Variants in SYT16 observed in about 807,000 individuals in gnomAD.
SYT16 encodes synaptotagmin-16.
Under a neutral mutation model 61.4 loss-of-function variants are expected in SYT16, and 42 were observed. The observed-to-expected ratio is 0.68, with a 90% CI of 0.53 to 0.89. SYT16 has a LOEUF of 0.89. Ranked by LOEUF, SYT16 falls within the 40% of genes least tolerant of loss-of-function variation. The pLI, the probability that SYT16 is intolerant of heterozygous loss-of-function variation, is 0.00. For missense variants in SYT16, 804 were observed against 807.3 expected (o/e 1.00, Z 0.05); for synonymous variants, 314 against 302.3 (o/e 1.04, Z -0.40).
chr14:62,092,426 AC>A (rs938556027), intron 7 of SYT16, among the ~76,000 whole-genome samples: 7 of 152,084 alleles, frequency 4.6e-5, no homozygotes, highest in Non-Finnish European at 8.8e-5. Flanking sequence ...AAATTTGTAC[AC>A]CCATGTTCAT....
intron 1 of SYT16, among the ~76,000 whole-genome samples, chr14:61,872,986 T>TAGG (rs2047377734): frequency 3.9e-5 from 6 of 152,252 alleles, no homozygotes; most frequent in Admixed American, 3.9e-4. Flanking sequence ...TAAAACGTTG[T>TAGG]ATTCATAGGT....
chr14:62,029,919 C>T (rs1414132356), intron 3 of SYT16, among the ~76,000 whole-genome samples: 1 of 152,068 alleles, frequency 6.6e-6, no homozygotes, highest in Non-Finnish European at 1.5e-5. Flanking sequence ...ATCATTTTTG[C>T]CAAGTGGTAT....
At position 62,086,488 on chromosome 14, in the gene SYT16, AAAC is replaced by A. The variant is rs555151230; in HGVS notation, c.1624+2112_1624+2114del. On this transcript the variant is annotated intron_variant, in intron 7 of 7. Transcript: ENST00000683842. ...GAATGAGACTGTGTCTCAAAAAAAC[AAAC>A]AACAACAAACAAACAAACAAACAAA... 7.9e-5 allele frequency among the ~76,000 whole-genome samples: 12 copies of A among 152,022 alleles called. No homozygotes were observed. In the East Asian group the frequency reaches 1.2e-3, roughly 15 times the overall value.
At chr14:61,817,978 C>T (rs1376785515) in intron 1 of SYT16, among the ~76,000 whole-genome samples, 2 of 152,084 alleles carry the variant, frequency 1.3e-5, no homozygotes, top group African/African-American at 2.4e-5. Flanking sequence ...AGCTTTTCTG[C>T]GAATTTGGGG....
intron 3 of SYT16, among the ~76,000 whole-genome samples, chr14:62,055,454 G>T (rs1365044753): frequency 6.6e-6 from 1 of 152,154 alleles, no homozygotes; most frequent in Non-Finnish European, 1.5e-5. Flanking sequence ...AAAGGAGGGC[G>T]CAGTGAATCT....
chr14:61,846,664 T>TA (rs2046454547), intron 1 of SYT16, among the ~76,000 whole-genome samples: 1 of 152,160 alleles, frequency 6.6e-6, no homozygotes, highest in Non-Finnish European at 1.5e-5. Flanking sequence ...CATTCAGTGT[T>TA]ACCATTGTTA....
chr14:61,934,352 T>C (rs1167654218), intron 1 of SYT16, among the ~76,000 whole-genome samples: 2 of 152,242 alleles, frequency 1.3e-5, no homozygotes, highest in Non-Finnish European at 2.9e-5. Flanking sequence ...GTTAATCATC[T>C]CAAGTTTCTT....
intron 3 of SYT16, among the ~76,000 whole-genome samples, chr14:62,055,212 A>G (rs949683871): frequency 1.3e-5 from 2 of 152,204 alleles, no homozygotes; most frequent in East Asian, 3.8e-4. Context: ...ATTCATTTGT[A>G]TGCAAATGCC....
chr14:61,847,001 C>G (rs1025530539), intron 1 of SYT16, among the ~76,000 whole-genome samples: 2 of 152,124 alleles, frequency 1.3e-5, no homozygotes, highest in Admixed American at 1.3e-4. Flanking sequence ...CTCTTTATAT[C>G]TTACTGTACT....
At chr14:61,813,804 AT>A (rs570260110) in intron 1 of SYT16, among the ~76,000 whole-genome samples, 16,381 of 130,434 alleles carry the variant, frequency 0.13, 1,010 homozygotes, top group Admixed American at 0.2. Flanking sequence ...TTTGGAAGGT[AT>A]TTTTTTTTTT....
chr14:62,089,983 C>T (rs1305131806), intron 7 of SYT16, among the ~76,000 whole-genome samples: 1 of 152,242 alleles, frequency 6.6e-6, no homozygotes, highest in Non-Finnish European at 1.5e-5. Context: ...TGTTCTTATC[C>T]TAGCCCTGCT....
At chr14:61,838,662 T>C (rs2046207043) in intron 1 of SYT16, among the ~76,000 whole-genome samples, 1 of 152,342 alleles carries the variant, frequency 6.6e-6, no homozygotes, top group East Asian at 1.9e-4. Context: ...GGAACTTTTG[T>C]AAGTACCTTG....
chr14:61,924,297 T>C (rs1246453983), intron 1 of SYT16, among the ~76,000 whole-genome samples: 1 of 152,200 alleles, frequency 6.6e-6, no homozygotes, highest in East Asian at 1.9e-4. Context: ...TTTGAGGGTA[T>C]ATGAGACCTT....
chr14:61,858,945 C>G (rs980833551), intron 1 of SYT16, among the ~76,000 whole-genome samples: 1 of 151,448 alleles, frequency 6.6e-6, no homozygotes, highest in South Asian at 2.1e-4. Context: ...ACCTCCGCCT[C>G]CTGGGTTCAC....
intron 1 of SYT16, among the ~76,000 whole-genome samples, chr14:61,897,657 A>G (rs1381700444): frequency 6.6e-6 from 1 of 152,152 alleles, no homozygotes; most frequent in Non-Finnish European, 1.5e-5. Flanking sequence ...CCTGCATAGC[A>G]AAAGACTCAC....
At position 62,104,330 on chromosome 14, in the gene SYT16, A is replaced by G. The variant is rs963440814; in HGVS notation, c.*3623A>G. 2 of 152,146 alleles carry G rather than the reference A, an allele frequency of 1.3e-5. No homozygotes were observed. Among genetic ancestry groups the G allele is most frequent in the Non-Finnish European group, 2.9e-5 (2 of 67,982 alleles). 9.4% of individuals were successfully genotyped at this position (152,146 alleles called of 1,614,324 possible). Reference sequence around the variant, plus strand: ...AACAGGACTAGAACACGCATGTGGTATCTCCTTTTACTTTTGAGGAAACTG... The same window carrying G: ...AACAGGACTAGAACACGCATGTGGTGTCTCCTTTTACTTTTGAGGAAACTG... On this transcript the variant is annotated 3_prime_UTR_variant, in exon 8 of 8. Coordinates refer to ENST00000683842, the MANE Select transcript of SYT16 (RefSeq NM_001367656.1).
At chr14:61,945,049 AC>A (rs1233918681) in intron 1 of SYT16, among the ~76,000 whole-genome samples, 5 of 152,162 alleles carry the variant, frequency 3.3e-5, no homozygotes, top group Admixed American at 2.0e-4. Context: ...AAGAAAAAAA[AC>A]AACCCCATCA....
chr14:62,015,351 A>G (rs1251483778), intron 3 of SYT16, among the ~76,000 whole-genome samples: 9 of 152,186 alleles, frequency 5.9e-5, no homozygotes, highest in Non-Finnish European at 1.0e-4. Context: ...ACTGTATTTC[A>G]TCATCTCCAG....
chr14:61,829,703 G>T (rs1185425565), intron 1 of SYT16, among the ~76,000 whole-genome samples: 2 of 151,222 alleles, frequency 1.3e-5, no homozygotes, highest in African/African-American at 4.9e-5. Context: ...CGCCCAGGCT[G>T]GAGTACAATG....
Sources: gnomAD v4.1 joint callset for allele counts (sites outside exome capture counted in the v4.1 genomes callset) on GRCh38, gnomAD v4.1.1 for gene constraint, MANE v1.5 for transcripts, NCBI Gene and HGNC (gene_info 2026-07-23, HGNC 2026-07-21) for gene names.